The following NBEA variants were observed in gnomAD, a reference collection of about 807,000 sequenced individuals.
NBEA encodes neurobeachin.
Under a neutral mutation model 343.4 loss-of-function variants are expected in NBEA, and 44 were observed. The observed-to-expected ratio is 0.13, with a 90% CI of 0.10 to 0.16. NBEA has a LOEUF of 0.16. Ranked by LOEUF, NBEA falls within the 10% of genes least tolerant of loss-of-function variation. The pLI is 1.00. For synonymous variants in NBEA, 1,175 were observed against 1,238.7 expected (o/e 0.95, Z 1.08); for missense variants, 2,555 against 3,631.3 (o/e 0.70, Z 7.62).
intron 38 of NBEA, among the ~76,000 whole-genome samples, chr13:35,429,559 G>T (rs1247709527): frequency 6.6e-6 from 1 of 152,076 alleles, no homozygotes; most frequent in African/African-American, 2.4e-5. Context: ...TCAATATGTT[G>T]TTCCTTAGGT....
At chr13:35,553,328 T>A (rs1443829076) in intron 43 of NBEA, among the ~76,000 whole-genome samples, 2 of 152,164 alleles carry the variant, frequency 1.3e-5, no homozygotes, top group Non-Finnish European at 2.9e-5. Flanking sequence ...AAAGCTCAAC[T>A]AATTATTAGT....
At chr13:34,950,044 A>G (rs754988675) in intron 1 of NBEA, among the ~76,000 whole-genome samples, 7 of 152,070 alleles carry the variant, frequency 4.6e-5, no homozygotes, top group Non-Finnish European at 7.4e-5. Context: ...TTCTGCTGTT[A>G]ACATTCTCGA....
chr13:35,125,130 C>T (rs897806317), intron 17 of NBEA, among the ~76,000 whole-genome samples: 3 of 151,942 alleles, frequency 2.0e-5, no homozygotes, highest in African/African-American at 7.2e-5. Flanking sequence ...CCCCCTTTTT[C>T]CTGTAAAATG....
At chr13:35,207,683 C>T (rs937879314) in intron 31 of NBEA, among the ~76,000 whole-genome samples, 12 of 151,982 alleles carry the variant, frequency 7.9e-5, no homozygotes, top group East Asian at 1.9e-4. Flanking sequence ...ATTTAAAATA[C>T]GCTAAAGAAA....
intron 48 of NBEA, among the ~76,000 whole-genome samples, chr13:35,612,904 A>G (rs1375753726): frequency 6.6e-6 from 1 of 152,050 alleles, no homozygotes; most frequent in Non-Finnish European, 1.5e-5. Flanking sequence ...TAGAAGCATT[A>G]TGGTTATCTG....
chr13:35,065,343 A>T (rs2152571168), intron 8 of NBEA, among the ~76,000 whole-genome samples: 1 of 151,956 alleles, frequency 6.6e-6, no homozygotes, highest in South Asian at 2.1e-4. Context: ...TATCTTCTCC[A>T]TTACAAGGCA....
At chr13:35,600,117 G>C (rs1342279535) in intron 47 of NBEA, among the ~76,000 whole-genome samples, 1 of 152,176 alleles carries the variant, frequency 6.6e-6, no homozygotes, top group Non-Finnish European at 1.5e-5. Flanking sequence ...AAAAAAAGAA[G>C]AGGCAGGTCC....
chr13:35,293,883 A>G (rs1202160012), intron 35 of NBEA, among the ~76,000 whole-genome samples: 2 of 152,018 alleles, frequency 1.3e-5, no homozygotes, highest in Admixed American at 6.6e-5. Flanking sequence ...TCTGTGCCTT[A>G]TCTGTCAATA....
chr13:35,522,100 A>G lies in NBEA; in HGVS notation c.6586-28377A>G, dbSNP rs116901481. On this transcript the variant is annotated intron_variant, in intron 41 of 58. Coordinates refer to ENST00000379939, the MANE Select transcript of NBEA (RefSeq NM_001385012.1). ...GCAGGGATTCAAGGGGATGTAGAGC[A>G]GTGGTATGAGGGGAACCCAGAGATG... Among the ~76,000 whole-genome samples the G allele has an allele frequency of 5.7e-3, 862 of 152,204 alleles. 4 individuals carry two copies. Among genetic ancestry groups the G allele is most frequent in the Non-Finnish European group, 9.3e-3 (631 of 68,000 alleles).
At chr13:35,132,437 G>GCACTGA (rs2152686505) in intron 17 of NBEA, among the ~76,000 whole-genome samples, 1 of 152,298 alleles carries the variant, frequency 6.6e-6, no homozygotes, top group South Asian at 2.1e-4. Flanking sequence ...TGGGATTACA[G>GCACTGA]GCGTGAGCCA....
chr13:35,047,678 G>A (rs946148350), intron 4 of NBEA, among the ~76,000 whole-genome samples: 3 of 151,604 alleles, frequency 2.0e-5, no homozygotes, highest in African/African-American at 7.3e-5. Flanking sequence ...AGGGTTTGTT[G>A]GAGCCATAGC....
At chr13:35,637,630 T>C (rs1313171421) in intron 49 of NBEA, among the ~76,000 whole-genome samples, 1 of 151,952 alleles carries the variant, frequency 6.6e-6, no homozygotes, top group Non-Finnish European at 1.5e-5. Flanking sequence ...GAAACCAGCT[T>C]GGCCAATATG....
intron 36 of NBEA, among the ~76,000 whole-genome samples, chr13:35,347,905 G>A (rs1039014279): frequency 2.6e-5 from 4 of 152,008 alleles, no homozygotes; most frequent in African/African-American, 9.7e-5. Flanking sequence ...GCTCTTCAAT[G>A]TGCTCCATGT....
At chr13:35,122,898 C>T (rs1226905126) in intron 16 of NBEA, among the ~76,000 whole-genome samples, 2 of 152,066 alleles carry the variant, frequency 1.3e-5, no homozygotes, top group African/African-American at 4.8e-5. Context: ...AATTCAAGAG[C>T]CCAGCAAAGA....
chr13:35,636,831 C>A (rs898246228), intron 49 of NBEA, among the ~76,000 whole-genome samples: 8 of 152,180 alleles, frequency 5.3e-5, no homozygotes, highest in African/African-American at 1.9e-4. Flanking sequence ...AATCCTTAAG[C>A]GATCATCTGC....
chr13:35,187,679 A>G (rs73505617), intron 30 of NBEA, among the ~76,000 whole-genome samples: 2,634 of 151,956 alleles, frequency 0.017, 81 homozygotes, highest in African/African-American at 0.055. Context: ...TTATTTTTAC[A>G]GTTTTGCTGC....
chr13:34,960,724 CATACCA>C (rs2059635364), intron 1 of NBEA, among the ~76,000 whole-genome samples: 1 of 152,036 alleles, frequency 6.6e-6, no homozygotes, highest in African/African-American at 2.4e-5. Context: ...AACAATGGGC[CATACCA>C]TAGAGCCTAT....
chr13:35,357,202 C>G (rs983235448), intron 38 of NBEA, among the ~76,000 whole-genome samples: 2 of 151,876 alleles, frequency 1.3e-5, no homozygotes, highest in African/African-American at 2.4e-5. Flanking sequence ...AGAATTTGAG[C>G]TTTATAATCA....
chr13:35,662,610 A>C (rs1335338882), intron 55 of NBEA, among the ~76,000 whole-genome samples: 1 of 152,220 alleles, frequency 6.6e-6, no homozygotes, highest in Non-Finnish European at 1.5e-5. Context: ...GCCCTAAAAA[A>C]TACCCCCTAA....
Sources: allele counts gnomAD v4.1 joint callset (sites outside exome capture counted in the v4.1 genomes callset), GRCh38; gene constraint gnomAD v4.1.1; transcripts MANE v1.5; gene names NCBI Gene and HGNC (gene_info 2026-07-23, HGNC 2026-07-21).